ZNF584: variants seen among roughly 807,000 people sequenced by gnomAD.
The protein encoded by ZNF584 is zinc finger protein 584.
A neutral mutation model predicts 14.7 loss-of-function variants in ZNF584; 12 were observed. The ratio of observed to expected loss-of-function variants is 0.82; its 90% CI spans 0.52 to 1.32. The LOEUF (loss-of-function observed/expected upper bound fraction) is 1.32, where lower values mean the gene tolerates loss of function less well. Ranked by LOEUF, ZNF584 falls within the 40% of genes most tolerant of loss-of-function variation. The pLI is 0.00. For missense variants in ZNF584, 478 were observed against 518.8 expected, an observed-to-expected ratio of 0.92 and a Z score of 0.76; for synonymous variants, 204 against 190.9, an observed-to-expected ratio of 1.07 and a Z score of -0.57.
chr19:58,414,551 C>A (rs987634790), intron 2 of ZNF584, among the ~76,000 whole-genome samples: 1 of 151,404 alleles, frequency 6.6e-6, no homozygotes, highest in Non-Finnish European at 1.5e-5. Context: ...ACTGTGTTAG[C>A]CAGGATGGTC....
In ZNF584 at chr19:58,415,585, G is replaced by A; in HGVS notation, c.231G>A (p.Val77=). The change falls in exon 3 of 4, where the codon GTG becomes GTA. Residue 77 remains valine, a synonymous_variant. Transcript: ENST00000306910. The part of the protein sequence containing the change: ...TQLEDDEQSW[V]PSWVDVTPVS... ...TGGAGGATGATGAACAGTCGTGGGTGCCCAGCTGGGTGGATGTGACTCCAG... is the reference window on the plus strand; with the variant it reads ...TGGAGGATGATGAACAGTCGTGGGTACCCAGCTGGGTGGATGTGACTCCAG... 1 of 1,614,130 alleles carries A rather than the reference G, an allele frequency of 6.2e-7. No homozygotes were observed. Among genetic ancestry groups the A allele is most frequent in the Non-Finnish European group, 8.5e-7 (1 of 1,180,004 alleles).
At chr19:58,413,617 C>T (rs1430942918) in intron 2 of ZNF584, among the ~76,000 whole-genome samples, 1 of 151,576 alleles carries the variant, frequency 6.6e-6, no homozygotes, top group East Asian at 1.9e-4. Context: ...AGCGATTCTC[C>T]TGCCTCAGCC....
intron 1 of ZNF584, 33 bp from the exon 2 acceptor site, chr19:58,409,908 G>C: frequency 6.2e-7 from 1 of 1,613,864 alleles, no homozygotes; most frequent in Non-Finnish European, 8.5e-7. Flanking sequence ...TCCATATTTT[G>C]GTTGTTTTTT....
chr19:58,418,125 C>G lies in ZNF584; in HGVS notation c.*341C>G. The G allele has an allele frequency of 3.8e-6, 1 of 263,282 alleles. No homozygotes were observed. The highest frequency in any genetic ancestry group is 7.3e-6 in the Non-Finnish European group (1 of 137,764). The allele number at this position is 263,282 out of a possible 1,614,324, so 16.3% of individuals were successfully genotyped here. ...CCCAAAACAGGCCTCATTCCCTACC[C>G]TTGACTGGTTTAGCTGTGGACATGA... On this transcript the variant is annotated 3_prime_UTR_variant, in exon 4 of 4. Transcript: ENST00000306910.
At chr19:58,407,449 G>A (rs924325314), upstream of ZNF584, among the ~76,000 whole-genome samples, 4 of 152,216 alleles carry the variant, frequency 2.6e-5, no homozygotes, top group African/African-American at 9.7e-5. Flanking sequence ...CAGCTGTGAA[G>A]ATTCAGAGAC....
chr19:58,415,704 T>C, intron 3 of ZNF584, 58 bp downstream of exon 3: 1 of 1,609,086 alleles, frequency 6.2e-7, no homozygotes, highest in Non-Finnish European at 8.5e-7. Context: ...GAATGCTGAG[T>C]ACCTGCATAC....
At chr19:58,403,746 G>A (rs1004787577), upstream of ZNF584, among the ~76,000 whole-genome samples, 2 of 151,996 alleles carry the variant, frequency 1.3e-5, no homozygotes, top group East Asian at 1.9e-4. Flanking sequence ...TGAGCGGGGC[G>A]GATCACGAGG....
At chr19:58,416,297 C>T (rs142361400) in intron 3 of ZNF584, 9,195 of 190,328 alleles carry the variant, frequency 0.048, 843 homozygotes, top group African/African-American at 0.2. Flanking sequence ...AGTGCAGTGG[C>T]GCAATCTCAG....
rs1555785531 is a variant in ZNF584, at chr19:58,410,541, A to ATATATATG, written c.169+457_169+458insGTATATAT. Among the ~76,000 whole-genome samples the ATATATATG allele has an allele frequency of 1.8e-4, 8 of 43,772 alleles. 1 individual carries two copies. The highest frequency in any genetic ancestry group is 8.4e-4 in the Admixed American group (3 of 3,572). 28.7% of individuals were successfully genotyped at this position (43,772 alleles called of 152,430 possible). ...GAAATATATATATATATATATATAT[A>ATATATATG]TATATATATATATATATGTGTATAT... On this transcript the variant is annotated intron_variant, in intron 2 of 3. Transcript: ENST00000306910.
At chr19:58,407,830 C>G (rs1377962577), upstream of ZNF584, among the ~76,000 whole-genome samples, 1 of 152,206 alleles carries the variant, frequency 6.6e-6, no homozygotes, top group Non-Finnish European at 1.5e-5. Flanking sequence ...GCGTCCTCCC[C>G]TGATGTGTCC....
intron 1 of ZNF584, among the ~76,000 whole-genome samples, chr19:58,409,411 G>A (rs1298652060): frequency 1.3e-5 from 2 of 152,234 alleles, no homozygotes; most frequent in Admixed American, 6.5e-5. Context: ...CGTGTGGAAG[G>A]CCAGGCAATT....
At chr19:58,407,470 C>T (rs894084908), upstream of ZNF584, among the ~76,000 whole-genome samples, 3 of 152,230 alleles carry the variant, frequency 2.0e-5, no homozygotes, top group Non-Finnish European at 2.9e-5. Context: ...TTCTGAGCCC[C>T]GATCTTGGCC....
At chr19:58,409,215 C>T (rs374536070) in intron 1 of ZNF584, 50 bp downstream of exon 1, 1,094 of 1,386,580 alleles carry the variant, frequency 7.9e-4, no homozygotes, top group Admixed American at 1.3e-3. Flanking sequence ...AGGTGGGGGG[C>T]GGCGTGTGCC....
At chr19:58,405,339 C>T (rs1352234047), upstream of ZNF584, 17 of 90,458 alleles carry the variant, frequency 1.9e-4, no homozygotes, top group East Asian at 3.0e-4. Flanking sequence ...CCAGTAGGGG[C>T]GGCCGGGCAG....
chr19:58,409,251 G>T (rs1478642350), intron 1 of ZNF584, 86 bp downstream of exon 1: 5 of 1,337,546 alleles, frequency 3.7e-6, no homozygotes, highest in East Asian at 5.8e-5. Context: ...GAGGGCAGGA[G>T]ATCTGCGTAT....
At chr19:58,412,302 C>T (rs1204461936) in intron 2 of ZNF584, among the ~76,000 whole-genome samples, 1 of 147,940 alleles carries the variant, frequency 6.8e-6, no homozygotes, top group Non-Finnish European at 1.5e-5. Flanking sequence ...CTCCGCTTCC[C>T]GGGTTCACGC....
At chr19:58,412,368 C>T (rs1187996064) in intron 2 of ZNF584, among the ~76,000 whole-genome samples, 2 of 151,562 alleles carry the variant, frequency 1.3e-5, no homozygotes, top group East Asian at 1.9e-4. Flanking sequence ...CGCCACCGCG[C>T]CCGGCTAATT....
chr19:58,403,882 C>T (rs1464198789), upstream of ZNF584, among the ~76,000 whole-genome samples: 1 of 148,140 alleles, frequency 6.8e-6, no homozygotes, highest in Non-Finnish European at 1.5e-5. Flanking sequence ...GACAGAATTG[C>T]TTGAACCCGG....
intron 2 of ZNF584, among the ~76,000 whole-genome samples, chr19:58,411,051 A>C (rs2122222182): frequency 6.6e-6 from 1 of 151,464 alleles, no homozygotes; most frequent in African/African-American, 2.4e-5. Flanking sequence ...TGGCCTCTCA[A>C]AGTGCTGGGA....
Sources: gnomAD v4.1 joint callset for allele counts (sites outside exome capture counted in the v4.1 genomes callset) on GRCh38, gnomAD v4.1.1 for gene constraint, MANE v1.5 for transcripts, NCBI Gene and HGNC (gene_info 2026-07-23, HGNC 2026-07-21) for gene names.